C1QTNF3: variants seen among roughly 807,000 people sequenced by gnomAD.
C1QTNF3 encodes the protein complement C1q tumor necrosis factor-related protein 3.
C1QTNF3 carries 26 observed loss-of-function variants against 32.6 expected under a neutral mutation model. The ratio of observed to expected loss-of-function variants is 0.80; its 90% confidence interval spans 0.58 to 1.11. The LOEUF is 1.11. C1QTNF3 is among the 50% of genes least tolerant of loss of function. C1QTNF3 has a pLI of 0.00. For missense variants in C1QTNF3, 362 were observed against 398.2 expected (o/e 0.91, Z 0.77); for synonymous variants, 155 against 146.0 (o/e 1.06, Z -0.44).
At chr5:34,051,624 C>T in the C1QTNF3 span, among the ~76,000 whole-genome samples, 1 of 152,196 alleles carries the variant, frequency 6.6e-6, no homozygotes, top group African/African-American at 2.4e-5. Flanking sequence ...GCTGGAAATC[C>T]TCCATTTATT....
the C1QTNF3 span, among the ~76,000 whole-genome samples, chr5:34,115,037 CT>C: frequency 1.5e-4 from 23 of 151,142 alleles, no homozygotes; most frequent in East Asian, 1.9e-3. Context: ...CTTTGTTCAA[CT>C]TTTTTTTTAT....
Position 34,020,583 on chromosome 5 carries a change from T to C in C1QTNF3, c.960A>G (p.Ter320=), listed in dbSNP as rs774347535. ...AAGTGGAGCTATTCTAGTCATATAT[T>C]TACTTAGTTTCAAAGAGCAGGAATC... ...FAGFLLFETK[*] is the part of the protein sequence containing the mutation. The change falls in exon 6 of 6, where the codon TAA becomes TAG. Residue 320 remains the stop codon, a stop_retained_variant. Transcript: ENST00000382065. 1 of 1,613,968 alleles carries C rather than the reference T, an allele frequency of 6.2e-7. No individual in the cohort carries two copies. Among genetic ancestry groups the C allele is most frequent in the Non-Finnish European group, 8.5e-7 (1 of 1,179,878 alleles).
chr5:34,230,333 C>T, the C1QTNF3 span, among the ~76,000 whole-genome samples: 1 of 151,974 alleles, frequency 6.6e-6, no homozygotes, highest in Non-Finnish European at 1.5e-5. Flanking sequence ...TACTGCTAGA[C>T]AATAAATTTA....
chr5:34,061,018 A>G, the C1QTNF3 span, among the ~76,000 whole-genome samples: 1 of 152,190 alleles, frequency 6.6e-6, no homozygotes, highest in African/African-American at 2.4e-5. Context: ...TGTGAAATCA[A>G]AAGCAAGTTA....
chr5:34,154,661 T>G, the C1QTNF3 span, among the ~76,000 whole-genome samples: 1 of 152,178 alleles, frequency 6.6e-6, no homozygotes, highest in Non-Finnish European at 1.5e-5. Flanking sequence ...ATCTTTCTGC[T>G]TGGTACATTC....
the C1QTNF3 span, among the ~76,000 whole-genome samples, chr5:34,052,381 A>C: frequency 6.6e-6 from 1 of 152,206 alleles, no homozygotes; most frequent in Non-Finnish European, 1.5e-5. Flanking sequence ...TAGATCATCT[A>C]TACCATAACG....
the C1QTNF3 span, among the ~76,000 whole-genome samples, chr5:34,185,258 G>A: frequency 6.6e-6 from 1 of 152,304 alleles, no homozygotes; most frequent in Admixed American, 6.5e-5. Flanking sequence ...TACTTGGGAG[G>A]CTAAGGCAGG....
the C1QTNF3 span, among the ~76,000 whole-genome samples, chr5:34,215,784 C>G: frequency 6.6e-6 from 1 of 152,108 alleles, no homozygotes; most frequent in African/African-American, 2.4e-5. Context: ...AGGAACATGC[C>G]ACCACATAAG....
the C1QTNF3 span, among the ~76,000 whole-genome samples, chr5:34,227,561 A>G: frequency 6.6e-6 from 1 of 151,724 alleles, no homozygotes; most frequent in African/African-American, 2.4e-5. Flanking sequence ...AATCTCCAAA[A>G]ATTTTCTAAT....
chr5:34,206,970 C>T, the C1QTNF3 span, among the ~76,000 whole-genome samples: 1,256 of 152,304 alleles, frequency 8.2e-3, 6 homozygotes, highest in Non-Finnish European at 0.014. Context: ...AAAGTGTGTT[C>T]ATGTCTTAAG....
rs564318754 is a variant in C1QTNF3, at chr5:34,033,611, A to G, written c.416-153T>C. 3.3e-5 allele frequency among the ~76,000 whole-genome samples: 5 copies of G among 152,348 alleles called. No homozygotes were observed. The East Asian group carries it at 9.7e-4, about 29-fold the overall frequency. On this transcript the variant is annotated intron_variant, in intron 2 of 5. Coordinates refer to ENST00000382065, the MANE Select transcript of C1QTNF3 (RefSeq NM_181435.6). ...GGTATCATCATCTAAATAGGGCAATAGGCTCTGAAAGAAGCCTTAGATACC... is the reference window on the plus strand; with the variant it reads ...GGTATCATCATCTAAATAGGGCAATGGGCTCTGAAAGAAGCCTTAGATACC...
chr5:34,235,135 T>A, the C1QTNF3 span, among the ~76,000 whole-genome samples: 2 of 152,150 alleles, frequency 1.3e-5, no homozygotes, highest in East Asian at 3.8e-4. Flanking sequence ...GAAAACAACT[T>A]CCCTGATTAG....
intron 5 of C1QTNF3, 61 bp downstream of exon 5, chr5:34,023,848 G>T: frequency 7.4e-7 from 1 of 1,359,786 alleles, no homozygotes; most frequent in South Asian, 1.2e-5. Flanking sequence ...CCTGTCATTA[G>T]GCATTCCTTG....
At chr5:34,237,080 G>C in the C1QTNF3 span, among the ~76,000 whole-genome samples, 1 of 152,176 alleles carries the variant, frequency 6.6e-6, no homozygotes, top group African/African-American at 2.4e-5. Context: ...GTCAGATATA[G>C]AGAATGATTG....
At chr5:34,141,593 T>C in the C1QTNF3 span, among the ~76,000 whole-genome samples, 2 of 152,320 alleles carry the variant, frequency 1.3e-5, no homozygotes, top group South Asian at 4.1e-4. Context: ...TATCTCATTG[T>C]GGTTTTGATT....
chr5:34,063,072 C>T, the C1QTNF3 span, among the ~76,000 whole-genome samples: 1 of 151,742 alleles, frequency 6.6e-6, no homozygotes, highest in African/African-American at 2.4e-5. Flanking sequence ...CAGGCTAAGC[C>T]CTTGTTTACA....
chr5:34,177,361 G>A, the C1QTNF3 span, among the ~76,000 whole-genome samples: 1 of 152,218 alleles, frequency 6.6e-6, no homozygotes, highest in South Asian at 2.1e-4. Flanking sequence ...CACCCAGGTG[G>A]GAGTACAGTG....
the C1QTNF3 span, among the ~76,000 whole-genome samples, chr5:34,185,127 A>G: frequency 6.6e-6 from 1 of 152,304 alleles, no homozygotes; most frequent in African/African-American, 2.4e-5. Flanking sequence ...CGGGCAGATC[A>G]TTTGAGGTCT....
At chr5:34,081,690 A>C in the C1QTNF3 span, among the ~76,000 whole-genome samples, 1 of 151,596 alleles carries the variant, frequency 6.6e-6, no homozygotes, top group East Asian at 1.9e-4. Context: ...ATTTAACTGC[A>C]AGATATTTTA....
Sources: gnomAD v4.1 joint callset for allele counts (sites outside exome capture counted in the v4.1 genomes callset) on GRCh38, gnomAD v4.1.1 for gene constraint, MANE v1.5 for transcripts, NCBI Gene and HGNC (gene_info 2026-07-23, HGNC 2026-07-21) for gene names.